ZNF618: variants seen among roughly 807,000 people sequenced by gnomAD.
The protein encoded by ZNF618 is neural precursor cell expressed, developmentally down-regulated 10.
A neutral mutation model predicts 103.0 loss-of-function variants in ZNF618; 34 were observed. The observed-to-expected ratio is 0.33, with a 90% CI of 0.25 to 0.44. ZNF618 has a LOEUF of 0.44. Ranked by LOEUF, ZNF618 falls within the 20% of genes least tolerant of loss-of-function variation. The probability of loss-of-function intolerance (pLI) is 1.00; values close to 1 mark genes in which losing one functional copy is unlikely to be tolerated. For missense variants in ZNF618, 1,059 were observed against 1,295.4 expected (o/e 0.82, Z 2.80); for synonymous variants, 551 against 542.2 (o/e 1.02, Z -0.23).
chr9:113,884,891 A>G (rs568722411), intron 1 of ZNF618, among the ~76,000 whole-genome samples: 1 of 152,278 alleles, frequency 6.6e-6, no homozygotes, highest in East Asian at 1.9e-4. Context: ...TGGGACTAAA[A>G]GCCTCAGATT....
In ZNF618 at chr9:114,036,293, C is replaced by T. The variant is rs374604550; in HGVS notation, c.1169-7C>T. 17 of 1,565,588 alleles carry T rather than the reference C, an allele frequency of 1.1e-5. No homozygotes were observed. The highest frequency in any genetic ancestry group is 1.5e-5 in the Non-Finnish European group (17 of 1,154,634). On this transcript the variant is annotated splice_polypyrimidine_tract_variant and splice_region_variant and intron_variant, in intron 12 of 14. Coordinates refer to ENST00000374126, the MANE Select transcript of ZNF618 (RefSeq NM_001318042.2). Reference sequence around the variant, plus strand: ...CCCTCACGTGGCTGCCGCATTTCTCCCTCCAGAACCCTACACCTGCGGCGC... The same window carrying T: ...CCCTCACGTGGCTGCCGCATTTCTCTCTCCAGAACCCTACACCTGCGGCGC...
At chr9:114,046,620 T>G (rs1845680096) in intron 13 of ZNF618, among the ~76,000 whole-genome samples, 1 of 152,216 alleles carries the variant, frequency 6.6e-6, no homozygotes, top group South Asian at 2.1e-4. Context: ...GTTCCTGATC[T>G]TAGGGAGAAA....
rs143987147 is a variant in ZNF618 at position 113,926,383 on chromosome 9, T to C, written c.34-42734T>C. ...TTGGTTTTTGTTCTGCTTGGTGCTC[T>C]CTGAGCTTCCTGGATCTGTGGTTTT... On this transcript the variant is annotated intron_variant, in intron 1 of 14. Coordinates refer to ENST00000374126, the MANE Select transcript of ZNF618 (RefSeq NM_001318042.2). 2.2e-4 allele frequency among the ~76,000 whole-genome samples: 33 copies of C among 152,206 alleles called. 1 individual carries two copies. In the East Asian group the frequency reaches 6.0e-3, roughly 28 times the overall value.
intron 1 of ZNF618, among the ~76,000 whole-genome samples, chr9:113,953,498 G>A (rs554525193): frequency 8.5e-5 from 13 of 152,292 alleles, no homozygotes; most frequent in East Asian, 1.9e-4. Flanking sequence ...TATTGTATAC[G>A]TGCATGTGGT....
chr9:114,033,741 C>T (rs1338962654), intron 12 of ZNF618, among the ~76,000 whole-genome samples: 1 of 152,210 alleles, frequency 6.6e-6, no homozygotes, highest in Admixed American at 6.5e-5. Context: ...GAGGAATTCT[C>T]ACATTGTGGT....
chr9:113,964,235 G>A (rs7867703), intron 1 of ZNF618, among the ~76,000 whole-genome samples: 4,816 of 152,218 alleles, frequency 0.032, 273 homozygotes, highest in African/African-American at 0.11. Flanking sequence ...CGAGCCTCAG[G>A]CTCGGTTCTC....
intron 1 of ZNF618, among the ~76,000 whole-genome samples, chr9:113,887,428 C>G (rs1829183657): frequency 6.6e-6 from 1 of 152,212 alleles, no homozygotes; most frequent in African/African-American, 2.4e-5. Flanking sequence ...CTGACAATTT[C>G]TCTGCCTACC....
intron 1 of ZNF618, among the ~76,000 whole-genome samples, chr9:113,878,434 A>T (rs1056816336): frequency 6.6e-6 from 1 of 152,240 alleles, no homozygotes; most frequent in Non-Finnish European, 1.5e-5. Context: ...ATATGCAAAC[A>T]ATATTTCATG....
intron 1 of ZNF618, among the ~76,000 whole-genome samples, chr9:113,927,538 C>A (rs1833213798): frequency 6.6e-6 from 1 of 152,244 alleles, no homozygotes; most frequent in African/African-American, 2.4e-5. Context: ...GCCTGTGCCC[C>A]TGTGTCGTGA....
At chr9:114,007,495 A>G in intron 7 of ZNF618, 56 bp downstream of exon 7, 1 of 1,554,588 alleles carries the variant, frequency 6.4e-7, no homozygotes, top group East Asian at 2.3e-5. Context: ...TTCCTTGGAG[A>G]CACCAGCCCC....
chr9:113,994,555 A>G (rs1327246048), intron 3 of ZNF618, among the ~76,000 whole-genome samples: 1 of 152,252 alleles, frequency 6.6e-6, no homozygotes, highest in East Asian at 1.9e-4. Context: ...GGGGACTTGA[A>G]TAAGCCCCTT....
At chr9:113,980,102 A>C in intron 2 of ZNF618, among the ~76,000 whole-genome samples, 1 of 152,188 alleles carries the variant, frequency 6.6e-6, no homozygotes, top group East Asian at 1.9e-4. Context: ...GAGTGACAGA[A>C]GAGGAAGAGT....
At chr9:114,008,411 CTG>C (rs1841946052) in intron 8 of ZNF618, 32 bp downstream of exon 8, 1 of 1,614,020 alleles carries the variant, frequency 6.2e-7, no homozygotes, top group Non-Finnish European at 8.5e-7. Context: ...GTCACCTCCC[CTG>C]TCCCCGGCTG....
intron 2 of ZNF618, among the ~76,000 whole-genome samples, chr9:113,972,264 G>A (rs887156008): frequency 4.9e-4 from 74 of 150,530 alleles, no homozygotes; most frequent in African/African-American, 1.7e-3. Context: ...GCCCAGGCTG[G>A]TCTCAAACTC....
At chr9:114,017,444 G>A (rs1447329440) in intron 10 of ZNF618, among the ~76,000 whole-genome samples, 1 of 152,188 alleles carries the variant, frequency 6.6e-6, no homozygotes, top group Non-Finnish European at 1.5e-5. Context: ...CCTGGTGCCC[G>A]TGAGCCTACC....
chr9:113,969,163 ACACTC>A lies in ZNF618; in HGVS notation c.77+5_77+9del. On this transcript the variant is annotated splice_donor_5th_base_variant and intron_variant, in intron 2 of 14. Coordinates refer to ENST00000374126, the MANE Select transcript of ZNF618 (RefSeq NM_001318042.2). ...GGAAGGAAAAGCACTGCGAGCAGGT[ACACTC>A]CCTCTCCCGCCCCCAGCTTGTCCAC... 6.2e-7 allele frequency: 1 copy of A among 1,613,902 alleles called. No individual in the cohort carries two copies. Among genetic ancestry groups the A allele is most frequent in the Non-Finnish European group, 8.5e-7 (1 of 1,179,858 alleles).
chr9:113,914,708 G>T (rs1472189733), intron 1 of ZNF618, among the ~76,000 whole-genome samples: 2 of 152,178 alleles, frequency 1.3e-5, no homozygotes, highest in African/African-American at 2.4e-5. Context: ...TTCCAAACGG[G>T]TGTAACAAGA....
intron 10 of ZNF618, among the ~76,000 whole-genome samples, chr9:114,018,441 C>A (rs895583068): frequency 3.3e-5 from 5 of 152,272 alleles, no homozygotes; most frequent in African/African-American, 1.2e-4. Context: ...AATGCACTTT[C>A]AGTGAGGTGT....
At chr9:114,011,191 A>G (rs956455189) in intron 9 of ZNF618, among the ~76,000 whole-genome samples, 4 of 152,216 alleles carry the variant, frequency 2.6e-5, no homozygotes, top group African/African-American at 4.8e-5. Flanking sequence ...CTACCTCTAA[A>G]TGGGCTGATG....
Sources: gnomAD v4.1 joint callset for allele counts (sites outside exome capture counted in the v4.1 genomes callset) on GRCh38, gnomAD v4.1.1 for gene constraint, MANE v1.5 for transcripts, NCBI Gene and HGNC (gene_info 2026-07-23, HGNC 2026-07-21) for gene names.